SPATS2L: variants seen among roughly 807,000 people sequenced by gnomAD.
The protein encoded by SPATS2L is SPATS2-like protein.
A neutral mutation model predicts 59.6 loss-of-function variants in SPATS2L; 30 were observed. That is an observed-to-expected ratio of 0.50 (90% CI 0.38 to 0.68). The LOEUF (loss-of-function observed/expected upper bound fraction) is 0.68, where lower values mean the gene tolerates loss of function less well. Among genes scored for constraint, SPATS2L ranks in the 30% least tolerant of loss-of-function variants. The probability of loss-of-function intolerance (pLI) is 0.00; values close to 1 mark genes in which losing one functional copy is unlikely to be tolerated. For missense variants in SPATS2L, 615 were observed against 700.0 expected, an observed-to-expected ratio of 0.88 and a Z score of 1.37; for synonymous variants, 252 against 263.5, an observed-to-expected ratio of 0.96 and a Z score of 0.42.
At chr2:200,406,683 C>G (rs562178119) in intron 3 of SPATS2L, among the ~76,000 whole-genome samples, 3 of 152,316 alleles carry the variant, frequency 2.0e-5, no homozygotes, top group African/African-American at 7.2e-5. Context: ...CTTCATAGCA[C>G]TCACTTAGCA....
chr2:200,439,259 T>C lies in SPATS2L; in HGVS notation c.583T>C (p.Ser195Pro). ...CCCAAGCAAGCCTAAGGCAAAAACATCTCCTGTTAAGTCCAATACCCCTGC... is the reference window on the plus strand; with the variant it reads ...CCCAAGCAAGCCTAAGGCAAAAACACCTCCTGTTAAGTCCAATACCCCTGC... ...CNPSKPKAKT[S>P]PVKSNTPAAH... Residue 195 changes from serine (S) to proline (P), a missense_variant, in exon 7 of 13, where the codon TCT (serine) becomes CCT (proline). This residue lies in a region of SPATS2L where 227 missense variants were observed against 257.4 expected (regional missense o/e 0.88). Coordinates refer to ENST00000409140, the MANE Select transcript of SPATS2L (RefSeq NM_001100423.2). 2 of 1,613,630 alleles carry C rather than the reference T, an allele frequency of 1.2e-6. No individual in the cohort carries two copies. The highest frequency in any genetic ancestry group is 1.3e-5 in the African/African-American group (1 of 74,980).
chr2:200,377,722 A>G (rs1417281332), intron 2 of SPATS2L, among the ~76,000 whole-genome samples: 3 of 152,218 alleles, frequency 2.0e-5, no homozygotes, highest in Non-Finnish European at 4.4e-5. Context: ...ATGCCCCTTA[A>G]TAAAATGTAT....
At chr2:200,388,483 G>T (rs2082063564) in intron 2 of SPATS2L, among the ~76,000 whole-genome samples, 1 of 151,982 alleles carries the variant, frequency 6.6e-6, no homozygotes, top group Admixed American at 6.5e-5. Context: ...GAGGTGGCAG[G>T]ATCGCTTGAG....
At chr2:200,429,025 C>T (rs942314808) in intron 6 of SPATS2L, among the ~76,000 whole-genome samples, 5 of 152,138 alleles carry the variant, frequency 3.3e-5, no homozygotes, top group African/African-American at 1.2e-4. Flanking sequence ...CAAATCTGAC[C>T]TCTTACGATA....
rs2087714409 is a variant in SPATS2L, at chr2:200,478,948, A to G, written c.*917A>G. The G allele has an allele frequency of 6.7e-6, 1 of 150,022 alleles. No homozygotes were observed. Among genetic ancestry groups the G allele is most frequent in the African/African-American group, 2.5e-5 (1 of 40,542 alleles). The allele number at this position is 150,022 out of a possible 1,614,324, so 9.3% of individuals were successfully genotyped here. A position where few individuals can be genotyped will look rare whatever the true frequency, so the allele number is the denominator to read the frequency against. On this transcript the variant is annotated 3_prime_UTR_variant, in exon 13 of 13. Coordinates refer to ENST00000409140, the MANE Select transcript of SPATS2L (RefSeq NM_001100423.2). ...TTGAGACAGTCTTGCTTTGTCACCC[A>G]GGTGGAGTGCAATGGCATGATCTCG...
At chr2:200,400,004 T>A (rs1255091265) in intron 3 of SPATS2L, among the ~76,000 whole-genome samples, 1 of 152,190 alleles carries the variant, frequency 6.6e-6, no homozygotes, top group African/African-American at 2.4e-5. Flanking sequence ...TAATTACCAT[T>A]TCCCCCCTCC....
At chr2:200,378,284 G>A in intron 2 of SPATS2L, 1 of 1,002,532 alleles carries the variant, frequency 1.0e-6, no homozygotes, top group Non-Finnish European at 1.2e-6. Context: ...GGCCAGTGGG[G>A]GAACAGAGCT....
chr2:200,466,001 C>A (rs752794824), intron 9 of SPATS2L, among the ~76,000 whole-genome samples: 1 of 152,230 alleles, frequency 6.6e-6, no homozygotes, highest in Admixed American at 6.5e-5. Flanking sequence ...CACGGCACTC[C>A]AGCCTGGACG....
At position 200,416,438 on chromosome 2, in the gene SPATS2L, A is replaced by C; in HGVS notation, c.198+10A>C. On this transcript the variant is annotated intron_variant, in intron 5 of 12. Coordinates refer to ENST00000409140, the MANE Select transcript of SPATS2L (RefSeq NM_001100423.2). The stretch of plus-strand genomic sequence containing the variant: ...GACAGGAAAAAAGAAGGTAAGATTA[A>C]TATTGATTGTAAATTGGTAACATCT... 2.9e-6 allele frequency: 4 copies of C among 1,389,956 alleles called. No homozygotes were observed. Among genetic ancestry groups the C allele is most frequent in the Non-Finnish European group, 2.9e-6 (3 of 1,022,934 alleles). The allele number at this position is 1,389,956 out of a possible 1,614,324, so 86.1% of individuals were successfully genotyped here.
At chr2:200,436,720 A>G (rs1301543544) in intron 6 of SPATS2L, among the ~76,000 whole-genome samples, 1 of 152,174 alleles carries the variant, frequency 6.6e-6, no homozygotes. Flanking sequence ...AAGTTATAGT[A>G]TAAATCCCCT....
At chr2:200,329,371 TG>T (rs1437557666) in intron 1 of SPATS2L, 59 bp from the exon 2 acceptor site, 1 of 1,356,764 alleles carries the variant, frequency 7.4e-7, no homozygotes, top group Non-Finnish European at 1.0e-6. Context: ...TGATGGGAAA[TG>T]GGTGGTGTGG....
At chr2:200,474,922 G>T in intron 12 of SPATS2L, among the ~76,000 whole-genome samples, 1 of 149,562 alleles carries the variant, frequency 6.7e-6, no homozygotes, top group Admixed American at 6.6e-5. Flanking sequence ...CAAGGAGACA[G>T]GGCCACTGGA....
chr2:200,383,403 T>C (rs1161072867), intron 2 of SPATS2L, among the ~76,000 whole-genome samples: 1 of 152,230 alleles, frequency 6.6e-6, no homozygotes, highest in African/African-American at 2.4e-5. Context: ...CTTATATTCC[T>C]TTTTTTGTAC....
At chr2:200,317,444 A>G (rs186009019) in intron 1 of SPATS2L, among the ~76,000 whole-genome samples, 199 of 152,304 alleles carry the variant, frequency 1.3e-3, no homozygotes, top group Admixed American at 2.3e-3. Context: ...TGGTAAGTCA[A>G]ACTTATCCTC....
Position 200,339,417 on chromosome 2 carries a change from C to T in SPATS2L, c.-23+9937C>T, listed in dbSNP as rs868731350. ...TGAAAATAATTATTCATCTATAGTA[C>T]CCCCTTAGAATGTCTGAGGGTTTGA... On this transcript the variant is annotated intron_variant, in intron 2 of 12. Coordinates refer to ENST00000409140, the MANE Select transcript of SPATS2L (RefSeq NM_001100423.2). Among the ~76,000 whole-genome samples the T allele has an allele frequency of 5.3e-5, 8 of 152,166 alleles. No individual in the cohort carries two copies. In the South Asian group the frequency reaches 8.3e-4, roughly 16 times the overall value.
chr2:200,398,456 T>A (rs2082422227), intron 3 of SPATS2L, among the ~76,000 whole-genome samples: 1 of 152,168 alleles, frequency 6.6e-6, no homozygotes, highest in Admixed American at 6.5e-5. Context: ...GCAAACCAAG[T>A]CATACTGTCA....
At chr2:200,419,644 G>C in intron 6 of SPATS2L, 148 bp downstream of exon 6, 3 of 820,654 alleles carry the variant, frequency 3.7e-6, no homozygotes, top group South Asian at 1.8e-5. Context: ...GCCAGGATTG[G>C]GGGTGAAGGG....
At chr2:200,414,838 T>G (rs2083001460) in intron 4 of SPATS2L, among the ~76,000 whole-genome samples, 1 of 152,168 alleles carries the variant, frequency 6.6e-6, no homozygotes, top group Admixed American at 6.5e-5. Context: ...TCCCTAAAGC[T>G]CATTGTCCAA....
chr2:200,332,607 G>A lies in SPATS2L; in HGVS notation c.-23+3127G>A, dbSNP rs777505651. 3.0e-4 allele frequency among the ~76,000 whole-genome samples: 45 copies of A among 152,234 alleles called. No individual in the cohort carries two copies. The Middle Eastern group carries it at 0.01, about 35-fold the overall frequency. Reference sequence around the variant, plus strand: ...ATCATGGCTTAGATTTAGTGAATGTGTAGGAGTGAAAGTCTACTGAGAGAA... The same window carrying A: ...ATCATGGCTTAGATTTAGTGAATGTATAGGAGTGAAAGTCTACTGAGAGAA... On this transcript the variant is annotated intron_variant, in intron 2 of 12. Coordinates refer to ENST00000409140, the MANE Select transcript of SPATS2L (RefSeq NM_001100423.2).
Sources: gnomAD v4.1 joint callset for allele counts (sites outside exome capture counted in the v4.1 genomes callset) on GRCh38, gnomAD v4.1.1 for gene constraint, gnomAD v4.1.1 regional missense constraint, MANE v1.5 for transcripts, NCBI Gene and HGNC (gene_info 2026-07-23, HGNC 2026-07-21) for gene names.